CREB1: variants seen among roughly 807,000 people sequenced by gnomAD.
CREB1 encodes the protein cyclic AMP-responsive element-binding protein 1.
A neutral mutation model predicts 42.0 loss-of-function variants in CREB1; 2 were observed. The ratio of observed to expected loss-of-function variants is 0.05; its 90% CI spans 0.02 to 0.15. The LOEUF (loss-of-function observed/expected upper bound fraction) is 0.15. Ranked by LOEUF, CREB1 falls within the 10% of genes least tolerant of loss-of-function variation. CREB1 has a pLI of 1.00. For missense variants in CREB1, 199 were observed against 388.9 expected, an observed-to-expected ratio of 0.51 and a Z score of 4.11; for synonymous variants, 123 against 139.9, an observed-to-expected ratio of 0.88 and a Z score of 0.85.
intron 3 of CREB1, among the ~76,000 whole-genome samples, chr2:207,560,920 T>G (rs1367970633): frequency 6.6e-6 from 1 of 152,200 alleles, no homozygotes; most frequent in Non-Finnish European, 1.5e-5. Context: ...ATCTAATTCT[T>G]TGGAGAGATC....
chr2:207,589,359 C>A (rs2084524026), intron 7 of CREB1, among the ~76,000 whole-genome samples: 1 of 152,198 alleles, frequency 6.6e-6, no homozygotes, highest in Non-Finnish European at 1.5e-5. Flanking sequence ...TCCCCTTCTG[C>A]AGTCACATTT....
Position 207,604,588 on chromosome 2 carries a change from CTTG to C in CREB1, c.*7533_*7535del, listed in dbSNP as rs2087751320. ...AATGTCCAGGAGTTGGAATGTTATCCTTGTTTTTAATTAAGATGCAATTCACAT... is the reference window on the plus strand; with the variant it reads ...AATGTCCAGGAGTTGGAATGTTATCCTTTTTAATTAAGATGCAATTCACAT... On this transcript the variant is annotated 3_prime_UTR_variant, in exon 8 of 8. Transcript: ENST00000353267. Among the ~76,000 whole-genome samples, 1 of 152,142 alleles carries C rather than the reference CTTG, an allele frequency of 6.6e-6. No homozygotes were observed. The highest frequency in any genetic ancestry group is 2.4e-5 in the African/African-American group (1 of 41,418).
intron 1 of CREB1, among the ~76,000 whole-genome samples, chr2:207,551,372 A>C (rs1424425388): frequency 6.6e-6 from 1 of 152,226 alleles, no homozygotes; most frequent in Admixed American, 6.5e-5. Flanking sequence ...TGGAAAGGAA[A>C]AACTTTACAA....
rs1016462755 is a variant in CREB1 at position 207,555,857 on chromosome 2, C to A, written c.114+108C>A. The stretch of plus-strand genomic sequence containing the variant: ...GATATACATAGAATGAGCAGAGATA[C>A]TCTTACAATATCAAAATTCCTATTT... On this transcript the variant is annotated intron_variant, in intron 2 of 7. Coordinates refer to ENST00000353267, the MANE Select transcript of CREB1 (RefSeq NM_004379.5). 6.4e-6 allele frequency: 4 copies of A among 629,186 alleles called. No homozygotes were observed. The African/African-American group carries it at 7.3e-5, about 12-fold the overall frequency. The allele number at this position is 629,186 out of a possible 1,614,324, so 39.0% of individuals were successfully genotyped here.
At chr2:207,542,843 T>A (rs774032930) in intron 1 of CREB1, among the ~76,000 whole-genome samples, 1 of 152,250 alleles carries the variant, frequency 6.6e-6, no homozygotes, top group Non-Finnish European at 1.5e-5. Context: ...TTTGGAGTTA[T>A]AATCCACCTA....
At chr2:207,562,008 A>G (rs1238131793) in intron 3 of CREB1, among the ~76,000 whole-genome samples, 2 of 152,206 alleles carry the variant, frequency 1.3e-5, no homozygotes, top group African/African-American at 2.4e-5. Flanking sequence ...TGGGAATGGC[A>G]TTTGTTAACA....
intron 7 of CREB1, among the ~76,000 whole-genome samples, chr2:207,585,493 T>C (rs1333908546): frequency 1.3e-5 from 2 of 152,038 alleles, no homozygotes; most frequent in Non-Finnish European, 2.9e-5. Context: ...TGCACAGATA[T>C]CAAGATAAGG....
chr2:207,536,028 G>A (rs1302896707), intron 1 of CREB1, among the ~76,000 whole-genome samples: 1 of 151,998 alleles, frequency 6.6e-6, no homozygotes, highest in East Asian at 1.9e-4. Context: ...GCCCAGGCTG[G>A]TCTCAAACTC....
In CREB1 at chr2:207,603,227, C is replaced by T. The variant is rs1235182792; in HGVS notation, c.*6169C>T. On this transcript the variant is annotated 3_prime_UTR_variant, in exon 8 of 8. Transcript: ENST00000353267. ...GAAAAAAATGTACTGAGTTACAATG[C>T]ATTTTATTAACACTATGTACATAAT... The T allele has an allele frequency of 9.2e-6, 2 of 218,354 alleles. No individual in the cohort carries two copies. The highest frequency in any genetic ancestry group is 1.4e-3 in the Middle Eastern group (1 of 716). The allele number at this position is 218,354 out of a possible 1,614,324, so 13.5% of individuals were successfully genotyped here.
rs566033198 is a variant in CREB1, at chr2:207,593,884, A to G, written c.840-3030A>G. Among the ~76,000 whole-genome samples, 5 of 152,054 alleles carry G rather than the reference A, an allele frequency of 3.3e-5. No individual in the cohort carries two copies. In the East Asian group the frequency reaches 9.7e-4, roughly 30 times the overall value. The stretch of plus-strand genomic sequence containing the variant: ...CAGGCACCTGCCACCATCCCCAGCT[A>G]ATTTTTGTATTTTTAGTAGAGACAG... On this transcript the variant is annotated intron_variant, in intron 7 of 7. Transcript: ENST00000353267.
In CREB1 at chr2:207,548,584, C is replaced by CA. The variant is rs546300581; in HGVS notation, c.-8-7044_-8-7043insA. On this transcript the variant is annotated intron_variant, in intron 1 of 7. Coordinates refer to ENST00000353267, the MANE Select transcript of CREB1 (RefSeq NM_004379.5). ...TGGCCAACATGGTGAAACCCTGTCT[C>CA]TACTAAAAATACAAAAATTAGCCAG... 4.7e-3 allele frequency among the ~76,000 whole-genome samples: 719 copies of CA among 152,134 alleles called. 2 individuals are homozygous for CA. The highest frequency in any genetic ancestry group is 7.1e-3 in the Non-Finnish European group (485 of 67,988).
At chr2:207,567,406 A>G (rs2082181210) in intron 3 of CREB1, 57 bp from the exon 4 acceptor site, 1 of 1,278,664 alleles carries the variant, frequency 7.8e-7, no homozygotes, top group African/African-American at 1.5e-5. Context: ...TTTGTTTAAT[A>G]AAAATTTTAC....
chr2:207,582,424 A>G (rs1437928667), intron 7 of CREB1, among the ~76,000 whole-genome samples: 1 of 152,158 alleles, frequency 6.6e-6, no homozygotes, highest in Non-Finnish European at 1.5e-5. Context: ...TTTCTTCTCC[A>G]CATTATTTAT....
At chr2:207,588,895 G>A (rs1203895989) in intron 7 of CREB1, among the ~76,000 whole-genome samples, 1 of 143,672 alleles carries the variant, frequency 7.0e-6, no homozygotes, top group African/African-American at 2.6e-5. Flanking sequence ...TTGTCGGGGG[G>A]GGTGTAGATT....
rs191403818 is a variant in CREB1 at position 207,593,897 on chromosome 2, T to G, written c.840-3017T>G. ...CCATCCCCAGCTAATTTTTGTATTT[T>G]TAGTAGAGACAGAGTTTCGCCATGT... On this transcript the variant is annotated intron_variant, in intron 7 of 7. Transcript: ENST00000353267. Among the ~76,000 whole-genome samples, 12 of 152,112 alleles carry G rather than the reference T, an allele frequency of 7.9e-5. No homozygotes were observed. The East Asian group carries it at 1.9e-3, about 25-fold the overall frequency.
At chr2:207,542,255 T>C (rs1424812835) in intron 1 of CREB1, among the ~76,000 whole-genome samples, 2 of 152,306 alleles carry the variant, frequency 1.3e-5, no homozygotes, top group African/African-American at 2.4e-5. Flanking sequence ...CCACCAGCAG[T>C]GTATTAGGGT....
At chr2:207,594,991 CTTTTTT>C (rs751274446) in intron 7 of CREB1, among the ~76,000 whole-genome samples, 1 of 118,824 alleles carries the variant, frequency 8.4e-6, no homozygotes, top group African/African-American at 3.1e-5. Flanking sequence ...TGTTGAGCAT[CTTTTTT>C]TTTTTTTTTT....
chr2:207,577,489 TCA>T lies in CREB1; in HGVS notation c.689-14_689-13del. On this transcript the variant is annotated splice_polypyrimidine_tract_variant and intron_variant, in intron 6 of 7. Coordinates refer to ENST00000353267, the MANE Select transcript of CREB1 (RefSeq NM_004379.5). ...GCAATGTTTCTGTCTTACACCATGC[TCA>T]CTGTTTTTTTCAGCTGCCTCTGGAG... 1 of 1,613,164 alleles carries T rather than the reference TCA, an allele frequency of 6.2e-7. No homozygotes were observed. Among genetic ancestry groups the T allele is most frequent in the Non-Finnish European group, 8.5e-7 (1 of 1,179,320 alleles).
chr2:207,561,372 A>G (rs2081951273), intron 3 of CREB1, among the ~76,000 whole-genome samples: 1 of 152,128 alleles, frequency 6.6e-6, no homozygotes, highest in Non-Finnish European at 1.5e-5. Context: ...CCTCTTCCTA[A>G]TGGTAGTCCA....
Sources: allele counts gnomAD v4.1 joint callset (sites outside exome capture counted in the v4.1 genomes callset), GRCh38; gene constraint gnomAD v4.1.1; transcripts MANE v1.5; gene names NCBI Gene and HGNC (gene_info 2026-07-23, HGNC 2026-07-21).